ACMSD: variants seen among roughly 807,000 people sequenced by gnomAD.
ACMSD encodes the protein aminocarboxymuconate semialdehyde decarboxylase, also known as 2-amino-3-carboxymuconate-6-semialdehyde decarboxylase.
In ACMSD, 37 loss-of-function variants were observed where a neutral mutation model predicts 45.9. The observed-to-expected ratio is 0.81, with a 90% CI of 0.62 to 1.06. The LOEUF (loss-of-function observed/expected upper bound fraction) is 1.06. Among genes scored for constraint, ACMSD ranks in the 50% least tolerant of loss-of-function variants. ACMSD has a pLI of 0.00. For missense variants in ACMSD, 434 were observed against 420.9 expected (o/e 1.03, Z -0.27); for synonymous variants, 138 against 148.8 (o/e 0.93, Z 0.53).
intron 2 of ACMSD, among the ~76,000 whole-genome samples, chr2:134,846,115 C>G (rs1687041610): frequency 6.6e-6 from 1 of 152,142 alleles, no homozygotes; most frequent in Non-Finnish European, 1.5e-5. Flanking sequence ...CATCTTAAAG[C>G]AGGCAGGGAG....
chr2:134,889,267 A>ATATAGATAT (rs771851575), intron 8 of ACMSD, among the ~76,000 whole-genome samples: 7 of 152,182 alleles, frequency 4.6e-5, no homozygotes, highest in Non-Finnish European at 8.8e-5. Flanking sequence ...AGATATGGAA[A>ATATAGATAT]TATAGATATG....
intron 9 of ACMSD, among the ~76,000 whole-genome samples, chr2:134,899,114 A>G (rs1425183619): frequency 6.6e-6 from 1 of 152,140 alleles, no homozygotes; most frequent in Admixed American, 6.6e-5. Context: ...AAATAACAAT[A>G]TGAGAATATA....
intron 2 of ACMSD, among the ~76,000 whole-genome samples, chr2:134,847,451 T>TAGAGATAG (rs1559039356): frequency 7.0e-6 from 1 of 143,862 alleles, no homozygotes; most frequent in African/African-American, 2.5e-5. Flanking sequence ...TAGATAGATA[T>TAGAGATAG]AGATAGAGAT....
intron 2 of ACMSD, among the ~76,000 whole-genome samples, chr2:134,856,192 C>T (rs761476892): frequency 2.0e-5 from 3 of 152,156 alleles, no homozygotes; most frequent in Non-Finnish European, 4.4e-5. Flanking sequence ...TAAGGTAAGT[C>T]ATTATCATCC....
intron 8 of ACMSD, among the ~76,000 whole-genome samples, chr2:134,878,001 CA>C (rs1688841552): frequency 6.6e-6 from 1 of 152,228 alleles, no homozygotes; most frequent in East Asian, 1.9e-4. Context: ...AAGACTGCCC[CA>C]AAAGTCTCAT....
chr2:134,847,356 C>A (rs1687097433), intron 2 of ACMSD, among the ~76,000 whole-genome samples: 1 of 151,464 alleles, frequency 6.6e-6, no homozygotes, highest in African/African-American at 2.4e-5. Flanking sequence ...GAACTTGATC[C>A]TGAAGACAGT....
chr2:134,892,988 T>G (rs1689885229), intron 8 of ACMSD, among the ~76,000 whole-genome samples: 1 of 152,062 alleles, frequency 6.6e-6, no homozygotes, highest in Non-Finnish European at 1.5e-5. Flanking sequence ...AGAGTGACAA[T>G]GACAGAGAAG....
chr2:134,853,167 T>TAAAA (rs201350282), intron 2 of ACMSD, among the ~76,000 whole-genome samples: 5 of 106,560 alleles, frequency 4.7e-5, no homozygotes, highest in African/African-American at 1.4e-4. Flanking sequence ...CATCTCAATC[T>TAAAA]AAAAAAAAAA....
intron 8 of ACMSD, among the ~76,000 whole-genome samples, chr2:134,888,612 A>C (rs1232335824): frequency 6.6e-6 from 1 of 152,148 alleles, no homozygotes; most frequent in Non-Finnish European, 1.5e-5. Flanking sequence ...AAATTACCAT[A>C]TATCTGACAA....
At chr2:134,845,466 G>C (rs952019638) in intron 2 of ACMSD, among the ~76,000 whole-genome samples, 189 bp downstream of exon 2, 1 of 146,398 alleles carries the variant, frequency 6.8e-6, no homozygotes, top group African/African-American at 2.5e-5. Flanking sequence ...TCAAAGAGTA[G>C]TATTTAGGAA....
intron 7 of ACMSD, 88 bp from the exon 8 acceptor site, chr2:134,872,381 C>A: frequency 1.4e-6 from 2 of 1,456,468 alleles, no homozygotes; most frequent in Non-Finnish European, 1.9e-6. Flanking sequence ...AATCAGCTGG[C>A]CTACAGTAAC....
chr2:134,901,059 A>T (rs1299067206), intron 9 of ACMSD, among the ~76,000 whole-genome samples: 1 of 152,142 alleles, frequency 6.6e-6, no homozygotes, highest in East Asian at 1.9e-4. Context: ...CAAATCACCC[A>T]CTTTTCAAGG....
intron 4 of ACMSD, among the ~76,000 whole-genome samples, chr2:134,862,619 A>G: frequency 6.6e-6 from 1 of 152,196 alleles, no homozygotes; most frequent in East Asian, 1.9e-4. Context: ...TCACCTGTTC[A>G]TACATACTTC....
chr2:134,875,252 A>G (rs1326907925), intron 8 of ACMSD, among the ~76,000 whole-genome samples: 1 of 152,268 alleles, frequency 6.6e-6, no homozygotes, highest in African/African-American at 2.4e-5. Flanking sequence ...TCAACCTCCC[A>G]AAGTGCTGGG....
rs768752000 is a variant in ACMSD at position 134,863,562 on chromosome 2, C to T, written c.417C>T (p.Pro139=). ...MERCVKELGF[P]GVQIGTHVNE... ...GCTGTGTGAAAGAGCTGGGCTTTCC[C>T]GGGGTCCAAATTGGCACCCACGTCA... The change falls in exon 5 of 10, where the codon CCC becomes CCT. Residue 139 remains proline (P), a synonymous_variant. Coordinates refer to ENST00000356140, the MANE Select transcript of ACMSD (RefSeq NM_138326.3). 3.1e-6 allele frequency: 5 copies of T among 1,614,058 alleles called. No homozygotes were observed. The highest frequency in any genetic ancestry group is 1.1e-5 in the South Asian group (1 of 91,088).
chr2:134,845,630 A>G (rs1205027256), intron 2 of ACMSD, among the ~76,000 whole-genome samples: 1 of 147,724 alleles, frequency 6.8e-6, no homozygotes, highest in African/African-American at 2.5e-5. Flanking sequence ...TGCTCTCTAC[A>G]GGTTATTACA....
intron 1 of ACMSD, among the ~76,000 whole-genome samples, chr2:134,842,431 AT>A (rs58963574): frequency 6.6e-6 from 1 of 152,198 alleles, no homozygotes; most frequent in East Asian, 1.9e-4. Flanking sequence ...AGGGTATTCT[AT>A]TTGGGGTTGG....
chr2:134,858,678 T>C (rs539070822), intron 2 of ACMSD, among the ~76,000 whole-genome samples: 9 of 152,228 alleles, frequency 5.9e-5, no homozygotes, highest in African/African-American at 2.2e-4. Flanking sequence ...TATTGCTGTG[T>C]ACCCAGGCAA....
chr2:134,884,809 A>G (rs554681306), intron 8 of ACMSD, among the ~76,000 whole-genome samples: 1 of 152,336 alleles, frequency 6.6e-6, no homozygotes, highest in Non-Finnish European at 1.5e-5. Context: ...AAATGTATTT[A>G]TAAAACCTAG....
Sources: gnomAD v4.1 joint callset for allele counts (sites outside exome capture counted in the v4.1 genomes callset) on GRCh38, gnomAD v4.1.1 for gene constraint, MANE v1.5 for transcripts, NCBI Gene and HGNC (gene_info 2026-07-23, HGNC 2026-07-21) for gene names.